CNR2: variants seen among roughly 807,000 people sequenced by gnomAD.
The protein encoded by CNR2 is cannabinoid receptor 2, also known as cannabinoid receptor 2 (macrophage).
For synonymous variants in CNR2, 172 were observed against 182.2 expected, an observed-to-expected ratio of 0.94 and a Z score of 0.45; for missense variants, 379 against 439.9, an observed-to-expected ratio of 0.86 and a Z score of 1.24.
In CNR2 at chr1:23,872,290, T is replaced by C. The variant is rs1335394787; in HGVS notation, c.*2245A>G. The C allele has an allele frequency of 6.6e-6, 1 of 151,946 alleles. No individual in the cohort carries two copies. Among genetic ancestry groups the C allele is most frequent in the Non-Finnish European group, 1.5e-5 (1 of 68,000 alleles). 9.4% of individuals were successfully genotyped at this position (151,946 alleles called of 1,614,324 possible). A position where few individuals can be genotyped will look rare whatever the true frequency, so the allele number is the denominator to read the frequency against. ...AGGAATAATTCTCCCCTTAAACTTT[T>C]GGAGGGAGCAGGGCCCTACCACATC... On this transcript the variant is annotated 3_prime_UTR_variant, in exon 2 of 2. Transcript: ENST00000374472.
At position 23,901,326 on chromosome 1, in the gene CNR2, G is replaced by T. The variant is rs1269673828; in HGVS notation, c.-46+11920C>A. ...CCAGCTCTGGCTGTGTGGAAAAGGT[G>T]CCTACTTCACAGAATCAAGCTTCAG... On this transcript the variant is annotated intron_variant, in intron 1 of 1. Coordinates refer to ENST00000374472, the MANE Select transcript of CNR2 (RefSeq NM_001841.3). 4 of 682,304 alleles carry T rather than the reference G, an allele frequency of 5.9e-6. No individual in the cohort carries two copies. The East Asian group carries it at 8.6e-5, about 15-fold the overall frequency. The allele number at this position is 682,304 out of a possible 1,614,324, so 42.3% of individuals were successfully genotyped here.
chr1:23,913,028 G>A (rs1640611909), intron 1 of CNR2, among the ~76,000 whole-genome samples: 1 of 152,242 alleles, frequency 6.6e-6, no homozygotes, highest in African/African-American at 2.4e-5. Context: ...TTAGCCAGAC[G>A]CAGTAGTGCA....
rs1328536901 is a variant in CNR2 at position 23,870,865 on chromosome 1, C to A, written c.*3670G>T. ...GCTCTGCTTCTCCACTTAAAGCAGA[C>A]ATAGGGGCTGGGAGTGGTGGCTCAC... is the stretch of plus-strand genomic sequence containing the variant. On this transcript the variant is annotated 3_prime_UTR_variant, in exon 2 of 2. Transcript: ENST00000374472. 2.6e-5 allele frequency: 4 copies of A among 152,210 alleles called. No individual in the cohort carries two copies. The highest frequency in any genetic ancestry group is 5.9e-5 in the Non-Finnish European group (4 of 68,098). 9.4% of individuals were successfully genotyped at this position (152,210 alleles called of 1,614,324 possible). A position where few individuals can be genotyped will look rare whatever the true frequency, so the allele number is the denominator to read the frequency against.
intron 1 of CNR2, 29 bp from the exon 2 acceptor site, chr1:23,875,691 T>TA (rs1392506360): frequency 8.7e-6 from 13 of 1,497,936 alleles, no homozygotes; most frequent in Non-Finnish European, 1.2e-5. Flanking sequence ...AAGAAAATAA[T>TA]CTTTTTCAGT....
intron 1 of CNR2, among the ~76,000 whole-genome samples, chr1:23,885,736 G>A (rs1640076781): frequency 6.6e-6 from 1 of 152,032 alleles, no homozygotes; most frequent in African/African-American, 2.4e-5. Context: ...AAATTGACCA[G>A]GCGTGGTGGC....
chr1:23,901,514 C>A, intron 1 of CNR2: 2 of 1,598,128 alleles, frequency 1.3e-6, no homozygotes, highest in Non-Finnish European at 1.7e-6. Flanking sequence ...ACCCTGGACC[C>A]CAGTCCCGTT....
In CNR2 at chr1:23,875,039, G is replaced by C; in HGVS notation, c.579C>G (p.Ser193Arg). 6.2e-7 allele frequency: 1 copy of C among 1,607,974 alleles called. No individual in the cohort carries two copies. The highest frequency in any genetic ancestry group is 8.5e-7 in the Non-Finnish European group (1 of 1,177,174). ...FPLIPNDYLL[S>R]WLLFIAFLFS... Reference sequence around the variant, plus strand: ...AGAGGAAGGCGATGAACAGGAGCCAGCTCAGCAGGTAGTCATTGGGGATCA... The same window carrying C: ...AGAGGAAGGCGATGAACAGGAGCCACCTCAGCAGGTAGTCATTGGGGATCA... The change falls in exon 2 of 2, where the codon AGC (serine) becomes AGG (arginine). Residue 193 changes from serine to arginine, a missense_variant. Transcript: ENST00000374472.
intron 1 of CNR2, among the ~76,000 whole-genome samples, chr1:23,876,306 A>G (rs1326227031): frequency 1.3e-5 from 2 of 151,702 alleles, no homozygotes; most frequent in African/African-American, 4.8e-5. Context: ...TCCCAGGCAC[A>G]AGAGATTCTC....
At chr1:23,901,920 T>C (rs559397587) in intron 1 of CNR2, 162 of 1,603,858 alleles carry the variant, frequency 1.0e-4, no homozygotes, top group Middle Eastern at 1.7e-4. Context: ...AGGTGGCACC[T>C]CTGCGGGGTG....
Position 23,871,984 on chromosome 1 carries a change from T to G in CNR2, c.*2551A>C, listed in dbSNP as rs1456133348. The G allele has an allele frequency of 1.3e-5, 2 of 151,518 alleles. No homozygotes were observed. Among genetic ancestry groups the G allele is most frequent in the Non-Finnish European group, 2.9e-5 (2 of 67,926 alleles). 9.4% of individuals were successfully genotyped at this position (151,518 alleles called of 1,614,324 possible). On this transcript the variant is annotated 3_prime_UTR_variant, in exon 2 of 2. Transcript: ENST00000374472. Reference sequence around the variant, plus strand: ...CCCATCTCTACTAAAAATACAAAAATTAGCTGAGTGTGGTGGCGGGTGCCT... The same window carrying G: ...CCCATCTCTACTAAAAATACAAAAAGTAGCTGAGTGTGGTGGCGGGTGCCT...
At chr1:23,889,888 T>C (rs1279838992) in intron 1 of CNR2, among the ~76,000 whole-genome samples, 3 of 152,174 alleles carry the variant, frequency 2.0e-5, no homozygotes, top group Admixed American at 1.3e-4. Context: ...ATGATACAAG[T>C]TTACCAAATT....
chr1:23,898,638 C>A (rs1457962694), intron 1 of CNR2, among the ~76,000 whole-genome samples: 1 of 113,626 alleles, frequency 8.8e-6, no homozygotes, highest in Admixed American at 1.1e-4. Context: ...CCACGCCTGG[C>A]CAATTTTTTT....
rs1639764956 is a variant in CNR2, at chr1:23,871,427, T to A, written c.*3108A>T. ...CAAATTCACTTTTAAACATTTATGC[T>A]ACTTGTTTGCCTTACAAAAAGATTG... On this transcript the variant is annotated 3_prime_UTR_variant, in exon 2 of 2. Transcript: ENST00000374472. 6.6e-6 allele frequency: 1 copy of A among 152,220 alleles called. No homozygotes were observed. The highest frequency in any genetic ancestry group is 1.5e-5 in the Non-Finnish European group (1 of 68,024). The allele number at this position is 152,220 out of a possible 1,614,324, so 9.4% of individuals were successfully genotyped here.
intron 1 of CNR2, chr1:23,901,590 C>T: frequency 6.2e-7 from 1 of 1,612,722 alleles, no homozygotes; most frequent in Non-Finnish European, 8.5e-7. Flanking sequence ...GTCATCCCCT[C>T]CTGCCCAAAG....
At chr1:23,902,291 G>T in intron 1 of CNR2, 1 of 1,494,378 alleles carries the variant, frequency 6.7e-7, no homozygotes. Context: ...GGGCCATCTC[G>T]GCCTGTGCGT....
chr1:23,901,367 A>G, intron 1 of CNR2: 3 of 1,022,476 alleles, frequency 2.9e-6, no homozygotes, highest in South Asian at 1.8e-5. Flanking sequence ...TACATGCCAA[A>G]GAGAGACAAG....
At position 23,894,762 on chromosome 1, in the gene CNR2, TC is replaced by T. The variant is rs201557597; in HGVS notation, c.-46+18483del. Among the ~76,000 whole-genome samples, 20 of 12,168 alleles carry T rather than the reference TC, an allele frequency of 1.6e-3. No homozygotes were observed. In the Admixed American group the frequency reaches 0.017, roughly 10 times the overall value. 8.0% of individuals were successfully genotyped at this position (12,168 alleles called of 152,430 possible). On this transcript the variant is annotated intron_variant, in intron 1 of 1. Transcript: ENST00000374472. ...CCCTGGGCAACAGAGTGAAATTTTG[TC>T]TCAAAAAAAAAAAGAAAGAAAGAAA...
chr1:23,896,881 G>GTTTTTT (rs5773060), intron 1 of CNR2, among the ~76,000 whole-genome samples: 7 of 141,800 alleles, frequency 4.9e-5, no homozygotes, highest in Non-Finnish European at 1.5e-5. Context: ...CACCAGGAGT[G>GTTTTTT]TTTTTTTTTT....
rs59446285 is a variant in CNR2, at chr1:23,910,902, C to T, written c.-46+2344G>A. Among the ~76,000 whole-genome samples the T allele has an allele frequency of 6.5e-3, 995 of 152,142 alleles. 9 individuals carry two copies. The highest frequency in any genetic ancestry group is 0.023 in the African/African-American group (937 of 41,518). On this transcript the variant is annotated intron_variant, in intron 1 of 1. Coordinates refer to ENST00000374472, the MANE Select transcript of CNR2 (RefSeq NM_001841.3). Reference sequence around the variant, plus strand: ...GATAGCACAAGCTCTGAACCCACAGCGCAGGACTCTCTGCTCACACTGGCT... The same window carrying T: ...GATAGCACAAGCTCTGAACCCACAGTGCAGGACTCTCTGCTCACACTGGCT...
Sources: allele counts gnomAD v4.1 joint callset (sites outside exome capture counted in the v4.1 genomes callset), GRCh38; gene constraint gnomAD v4.1.1; transcripts MANE v1.5; gene names NCBI Gene and HGNC (gene_info 2026-07-23, HGNC 2026-07-21).